The following CUL5 variants were observed in gnomAD, a reference collection of about 807,000 sequenced individuals.
The protein encoded by CUL5 is cullin 5.
A neutral mutation model predicts 108.8 loss-of-function variants in CUL5; 26 were observed. That is an observed-to-expected ratio of 0.24 (90% CI 0.18 to 0.33). The LOEUF (loss-of-function observed/expected upper bound fraction) is 0.33, where lower values mean the gene tolerates loss of function less well. Ranked by LOEUF, CUL5 falls within the 10% of genes least tolerant of loss-of-function variation. The pLI is 1.00. For missense variants in CUL5, 524 were observed against 909.2 expected (o/e 0.58, Z 5.45); for synonymous variants, 334 against 298.0 (o/e 1.12, Z -1.25).
intron 11 of CUL5, among the ~76,000 whole-genome samples, chr11:108,082,927 A>G (rs1429793516): frequency 6.6e-6 from 1 of 152,278 alleles, no homozygotes; most frequent in East Asian, 1.9e-4. Context: ...ATGCCCAACC[A>G]CAAATAATTT....
intron 1 of CUL5, among the ~76,000 whole-genome samples, chr11:108,027,460 C>T (rs537787364): frequency 6.6e-6 from 1 of 152,178 alleles, no homozygotes; most frequent in African/African-American, 2.4e-5. Context: ...TCAGTAGAGA[C>T]AGGGTTTCAC....
intron 1 of CUL5, among the ~76,000 whole-genome samples, chr11:108,022,939 G>A (rs1862361773): frequency 1.3e-5 from 2 of 152,250 alleles, no homozygotes; most frequent in Middle Eastern, 3.4e-3. Context: ...GCCTTTCTTG[G>A]ATATACATAT....
chr11:108,025,468 G>A (rs1049112767), intron 1 of CUL5, among the ~76,000 whole-genome samples: 2 of 152,132 alleles, frequency 1.3e-5, no homozygotes, highest in African/African-American at 4.8e-5. Context: ...TCCTTTTGAA[G>A]CTTACCTTTA....
At position 108,009,102 on chromosome 11, in the gene CUL5, T is replaced by C; in HGVS notation, c.-247T>C. 5 of 555,914 alleles carry C rather than the reference T, an allele frequency of 9.0e-6. No homozygotes were observed. The highest frequency in any genetic ancestry group is 1.9e-5 in the African/African-American group (1 of 52,026). 34.4% of individuals were successfully genotyped at this position (555,914 alleles called of 1,614,324 possible). A position where few individuals can be genotyped will look rare whatever the true frequency, so the allele number is the denominator to read the frequency against. ...CTTCTCAGCATTCGCCGTTCCGGTC[T>C]TCCTGAGCGCGTGCATGAGGTCTTT... is the stretch of plus-strand genomic sequence containing the variant. On this transcript the variant is annotated 5_prime_UTR_variant, in exon 1 of 19. Transcript: ENST00000393094.
chr11:108,065,477 T>C (rs745884395), intron 7 of CUL5, among the ~76,000 whole-genome samples: 1 of 152,180 alleles, frequency 6.6e-6, no homozygotes, highest in Non-Finnish European at 1.5e-5. Flanking sequence ...TCCTTACCAC[T>C]GGAATGGGCG....
rs938970160 is a variant in CUL5 at position 108,102,527 on chromosome 11, C to T, written c.2149-1663C>T. 7.9e-5 allele frequency among the ~76,000 whole-genome samples: 12 copies of T among 152,126 alleles called. No homozygotes were observed. The East Asian group carries it at 9.7e-4, about 12-fold the overall frequency. ...TGTATATTTTGTAGAGATGGGGTTT[C>T]GCCATGTTGCCTAGGCTGGTCTCAA... On this transcript the variant is annotated intron_variant, in intron 18 of 18. Coordinates refer to ENST00000393094, the MANE Select transcript of CUL5 (RefSeq NM_003478.6).
intron 7 of CUL5, among the ~76,000 whole-genome samples, chr11:108,061,647 C>T (rs1012333580): frequency 3.9e-5 from 6 of 152,018 alleles, no homozygotes; most frequent in Admixed American, 2.0e-4. Flanking sequence ...TTTCCCTCCC[C>T]GTTTTGCCTC....
intron 7 of CUL5, among the ~76,000 whole-genome samples, chr11:108,069,029 G>GGGAT (rs1456178569): frequency 6.6e-6 from 1 of 152,096 alleles, no homozygotes; most frequent in Non-Finnish European, 1.5e-5. Flanking sequence ...GACTGACAGG[G>GGGAT]GGATCATGTG....
chr11:108,089,514 A>G lies in CUL5; in HGVS notation c.1334A>G (p.Gln445Arg), dbSNP rs1864300332. The G allele has an allele frequency of 6.4e-7, 1 of 1,559,380 alleles. No homozygotes were observed. Among genetic ancestry groups the G allele is most frequent in the Non-Finnish European group, 8.6e-7 (1 of 1,157,744 alleles). ...KEVLLVLKYV[Q>R]NKDVFMRYHK... ...CAGCTCTTGGTACTTAAGTATGTAC[A>G]GAACAAAGATGTTTTTATGAGGTAT... The change falls in exon 13 of 19, where the codon CAG (glutamine) becomes CGG (arginine). Residue 445 changes from glutamine (Q) to arginine (R), a missense_variant. By Grantham distance (43) the Gln-to-Arg change is conservative. This residue lies in a region of CUL5 where 76 missense variants were observed against 168.3 expected (regional missense o/e 0.45). Transcript: ENST00000393094.
At chr11:108,025,223 T>C (rs1032207558) in intron 1 of CUL5, among the ~76,000 whole-genome samples, 2 of 152,224 alleles carry the variant, frequency 1.3e-5, no homozygotes, top group African/African-American at 4.8e-5. Flanking sequence ...AGTAGCTGAC[T>C]TAATGTCCTT....
intron 2 of CUL5, among the ~76,000 whole-genome samples, chr11:108,043,946 C>T (rs1253185360): frequency 6.6e-6 from 1 of 151,950 alleles, no homozygotes; most frequent in Admixed American, 6.6e-5. Flanking sequence ...TCATTTGAAC[C>T]CAGGAGGCGG....
intron 1 of CUL5, among the ~76,000 whole-genome samples, chr11:108,031,508 A>G (rs550051477): frequency 6.6e-6 from 1 of 152,200 alleles, no homozygotes; most frequent in Non-Finnish European, 1.5e-5. Flanking sequence ...ACTTTTCTGC[A>G]TATGGCTAGC....
At chr11:108,100,552 CA>C (rs1379812713) in intron 18 of CUL5, among the ~76,000 whole-genome samples, 3 of 151,242 alleles carry the variant, frequency 2.0e-5, no homozygotes, top group Non-Finnish European at 4.4e-5. Context: ...TCAAAAAAAG[CA>C]AACAAAAACA....
At chr11:108,041,096 A>C (rs1194058789) in intron 2 of CUL5, among the ~76,000 whole-genome samples, 1 of 152,104 alleles carries the variant, frequency 6.6e-6, no homozygotes, top group African/African-American at 2.4e-5. Flanking sequence ...TGGCTCCAGA[A>C]TTCTTCAACA....
chr11:108,054,987 GATT>G, intron 7 of CUL5, 32 bp downstream of exon 7: 1 of 1,429,778 alleles, frequency 7.0e-7, no homozygotes, highest in East Asian at 2.3e-5. Context: ...CATTTTATGG[GATT>G]ATTTGAAATA....
At chr11:108,033,781 T>G in intron 1 of CUL5, 21 bp from the exon 2 acceptor site, 3 of 1,450,078 alleles carry the variant, frequency 2.1e-6, no homozygotes, top group Non-Finnish European at 2.9e-6. Flanking sequence ...TAAACTCCCT[T>G]TTATCTTTTT....
At chr11:108,097,887 T>G (rs1463258939) in intron 17 of CUL5, 133 bp downstream of exon 17, 1 of 556,688 alleles carries the variant, frequency 1.8e-6, no homozygotes, top group Non-Finnish European at 3.2e-6. Context: ...CTTACATCAT[T>G]TAGTTGTTTA....
intron 1 of CUL5, among the ~76,000 whole-genome samples, chr11:108,028,209 C>G (rs1317724030): frequency 6.6e-6 from 1 of 152,170 alleles, no homozygotes; most frequent in African/African-American, 2.4e-5. Context: ...AAATGTAATA[C>G]ATCTAAAACC....
At chr11:108,025,601 G>A (rs965511379) in intron 1 of CUL5, among the ~76,000 whole-genome samples, 1 of 152,058 alleles carries the variant, frequency 6.6e-6, no homozygotes, top group African/African-American at 2.4e-5. Context: ...TTTCCACTCT[G>A]GCTGGTAGCA....
Sources: allele counts gnomAD v4.1 joint callset (sites outside exome capture counted in the v4.1 genomes callset), GRCh38; gene constraint gnomAD v4.1.1; regional missense constraint gnomAD v4.1.1; transcripts MANE v1.5; gene names NCBI Gene and HGNC (gene_info 2026-07-23, HGNC 2026-07-21).